PSMA1: variants seen among roughly 807,000 people sequenced by gnomAD.
The protein encoded by PSMA1 is proteasome subunit alpha type-1.
PSMA1 carries 3 observed loss-of-function variants against 38.4 expected under a neutral mutation model. The observed-to-expected ratio is 0.08, with a 90% CI of 0.04 to 0.20. The LOEUF is 0.20. Among genes scored for constraint, PSMA1 ranks in the 10% least tolerant of loss-of-function variants. The pLI is 1.00. For missense variants in PSMA1, 227 were observed against 325.3 expected, an observed-to-expected ratio of 0.70 and a Z score of 2.32; for synonymous variants, 101 against 107.1, an observed-to-expected ratio of 0.94 and a Z score of 0.35.
chr11:14,536,444 T>C (rs1565039366), intron 2 of PSMA1, among the ~76,000 whole-genome samples: 1 of 151,532 alleles, frequency 6.6e-6, no homozygotes, highest in African/African-American at 2.4e-5. Context: ...AGAGAATCGC[T>C]TGAACCCGGG....
chr11:14,626,313 T>G (rs1852911376), intron 1 of PSMA1, among the ~76,000 whole-genome samples: 1 of 152,208 alleles, frequency 6.6e-6, no homozygotes, highest in Non-Finnish European at 1.5e-5. Flanking sequence ...GAGACCATTT[T>G]GTTACTGCCT....
In PSMA1 at chr11:14,517,696, T is replaced by C; in HGVS notation, c.200A>G (p.Asp67Gly). The C allele has an allele frequency of 6.2e-7, 1 of 1,610,066 alleles. No homozygotes were observed. The highest frequency in any genetic ancestry group is 8.5e-7 in the Non-Finnish European group (1 of 1,179,290). The change falls in exon 4 of 10, where the codon GAC (aspartate) becomes GGC (glycine). Residue 67 changes from aspartate to glycine, a missense_variant. Asp to Gly is a moderately conservative substitution (Grantham distance 94, BLOSUM62 -1). Transcript: ENST00000396394. ...AAHQKKILHV[D>G]NHIGISIAGL... ...CGCAATTGAGATACCAATATGGTTG[T>C]CAACATGGAGAATTTTTTTCTGATG...
chr11:14,619,160 T>A (rs1215267451), intron 1 of PSMA1, among the ~76,000 whole-genome samples: 2 of 152,080 alleles, frequency 1.3e-5, no homozygotes, highest in East Asian at 3.8e-4. Context: ...AAAAATACTG[T>A]AATATAGGCT....
intron 1 of PSMA1, among the ~76,000 whole-genome samples, chr11:14,631,049 T>C (rs919364853): frequency 6.6e-6 from 1 of 152,180 alleles, no homozygotes; most frequent in African/African-American, 2.4e-5. Flanking sequence ...ATTTGATTCT[T>C]CTCTCTTTTT....
intron 2 of PSMA1, among the ~76,000 whole-genome samples, chr11:14,587,309 T>C (rs531934993): frequency 6.8e-4 from 104 of 152,326 alleles, no homozygotes; most frequent in African/African-American, 2.4e-3. Context: ...CTTTGGAATC[T>C]GGCGGTGTCC....
chr11:14,505,309 T>C lies in PSMA1; in HGVS notation c.736-61A>G, dbSNP rs569396680. On this transcript the variant is annotated intron_variant, in intron 9 of 9. Coordinates refer to ENST00000396394, the MANE Select transcript of PSMA1 (RefSeq NM_002786.4). Reference sequence around the variant, plus strand: ...TGAACACTTGATCAATATACACATCTAATCACAAATATTACGTTATTAAAA... The same window carrying C: ...TGAACACTTGATCAATATACACATCCAATCACAAATATTACGTTATTAAAA... The C allele has an allele frequency of 5.4e-6, 7 of 1,299,172 alleles. No individual in the cohort carries two copies. The Admixed American group carries it at 8.4e-5, about 16-fold the overall frequency. 80.5% of individuals were successfully genotyped at this position (1,299,172 alleles called of 1,614,324 possible).
intron 2 of PSMA1, among the ~76,000 whole-genome samples, chr11:14,539,729 G>A (rs1057049004): frequency 1.1e-4 from 17 of 152,064 alleles, no homozygotes; most frequent in Non-Finnish European, 5.9e-5. Context: ...GGCGCCTATA[G>A]TCCCAGCTAC....
At chr11:14,571,530 G>A (rs1852140110) in intron 2 of PSMA1, among the ~76,000 whole-genome samples, 1 of 151,812 alleles carries the variant, frequency 6.6e-6, no homozygotes, top group Admixed American at 6.5e-5. Context: ...ACATGGAAAG[G>A]AACAATCAGT....
At chr11:14,507,839 T>G in intron 8 of PSMA1, 73 bp from the exon 9 acceptor site, 1 of 1,010,100 alleles carries the variant, frequency 9.9e-7, no homozygotes, top group Non-Finnish European at 1.5e-6. Context: ...AAATATTGGG[T>G]GAAAAAAGCA....
intron 2 of PSMA1, among the ~76,000 whole-genome samples, chr11:14,584,955 C>A (rs940413052): frequency 6.6e-6 from 1 of 152,206 alleles, no homozygotes; most frequent in Non-Finnish European, 1.5e-5. Flanking sequence ...TAGAGACAAA[C>A]AACCTTATAC....
At chr11:14,631,485 A>T (rs1329483348) in intron 1 of PSMA1, among the ~76,000 whole-genome samples, 2 of 151,970 alleles carry the variant, frequency 1.3e-5, no homozygotes, top group South Asian at 2.1e-4. Flanking sequence ...TTTGAGTGAG[A>T]TTCTTAATCC....
intron 8 of PSMA1, among the ~76,000 whole-genome samples, chr11:14,509,517 G>T: frequency 6.7e-6 from 1 of 149,708 alleles, no homozygotes; most frequent in Non-Finnish European, 1.5e-5. Context: ...TTGAGATGGA[G>T]TTTTGCTTTG....
intron 1 of PSMA1, among the ~76,000 whole-genome samples, chr11:14,615,600 G>C (rs932858036): frequency 6.6e-5 from 10 of 152,250 alleles, no homozygotes; most frequent in African/African-American, 2.4e-4. Context: ...CTAGGTGTAG[G>C]AGCAATTTTC....
intron 1 of PSMA1, among the ~76,000 whole-genome samples, chr11:14,617,279 G>C (rs1423692314): frequency 6.6e-6 from 1 of 152,100 alleles, no homozygotes; most frequent in Non-Finnish European, 1.5e-5. Flanking sequence ...AATTGGGAAG[G>C]GATATTTCCC....
At chr11:14,520,055 C>T in intron 1 of PSMA1, 1 of 615,298 alleles carries the variant, frequency 1.6e-6, no homozygotes, top group Non-Finnish European at 2.9e-6. Flanking sequence ...TCTAGCTGAC[C>T]GAGGAGGAAG....
At chr11:14,617,697 A>ATG (rs71913143) in intron 1 of PSMA1, among the ~76,000 whole-genome samples, 23,086 of 133,604 alleles carry the variant, frequency 0.17, 2,081 homozygotes, top group African/African-American at 0.31. Context: ...ATATATATAT[A>ATG]TGTGTGTGTG....
At position 14,617,618 on chromosome 11, in the gene PSMA1, G is replaced by A. The variant is rs529897226; in HGVS notation, c.-165-6467C>T. Among the ~76,000 whole-genome samples, 53 of 151,604 alleles carry A rather than the reference G, an allele frequency of 3.5e-4. No individual in the cohort carries two copies. In the South Asian group the frequency reaches 7.3e-3, roughly 21 times the overall value. ...AGCTGCTTCAGAAAATCAGCTACTT[G>A]GTTTGAGTTCATCTTCAGCCTCTTT... On this transcript the variant is annotated intron_variant, in intron 1 of 10. Coordinates refer to the PSMA1 transcript ENST00000418988.
At chr11:14,640,241 G>A (rs1223214690) in intron 1 of PSMA1, among the ~76,000 whole-genome samples, 1 of 152,156 alleles carries the variant, frequency 6.6e-6, no homozygotes, top group Non-Finnish European at 1.5e-5. Flanking sequence ...ATGCTGGGGA[G>A]AGAAAGAAGG....
intron 1 of PSMA1, among the ~76,000 whole-genome samples, chr11:14,633,218 T>C (rs1386779406): frequency 6.6e-6 from 1 of 151,588 alleles, no homozygotes; most frequent in Non-Finnish European, 1.5e-5. Context: ...GCGCTCTGCT[T>C]TTTAGAGTTT....
Sources: allele counts gnomAD v4.1 joint callset (sites outside exome capture counted in the v4.1 genomes callset), GRCh38; gene constraint gnomAD v4.1.1; transcripts MANE v1.5; gene names NCBI Gene and HGNC (gene_info 2026-07-23, HGNC 2026-07-21).